LRP8: variants seen among roughly 807,000 people sequenced by gnomAD.
LRP8 encodes LDL receptor related protein 8.
Under a neutral mutation model 111.6 loss-of-function variants are expected in LRP8, and 46 were observed. The ratio of observed to expected loss-of-function variants is 0.41; its 90% CI spans 0.33 to 0.53. The LOEUF (loss-of-function observed/expected upper bound fraction) is 0.53. LRP8 is among the 20% of genes least tolerant of loss of function. The pLI is 0.20. For missense variants in LRP8, 959 were observed against 1,297.4 expected (o/e 0.74, Z 4.01); for synonymous variants, 464 against 511.2 (o/e 0.91, Z 1.24).
At position 53,262,444 on chromosome 1, in the gene LRP8, AC is replaced by A; in HGVS notation, c.1774+1del. On this transcript the variant is annotated splice_donor_variant, in intron 11 of 18. Transcript: ENST00000306052. LOFTEE classifies it high-confidence loss of function. This position sits in a 1 kb window ranked among gnomAD's most constrained non-coding sequence, Gnocchi z 4.8. ...CCCCAACCCAGGAAAGGCAGGGCTC[AC>A]CCAGGGTGATTCCGTTGGGCCATTC... 3 of 1,613,300 alleles carry A rather than the reference AC, an allele frequency of 1.9e-6. No homozygotes were observed. Among genetic ancestry groups the A allele is most frequent in the Non-Finnish European group, 2.5e-6 (3 of 1,179,518 alleles).
At chr1:53,283,470 C>T (rs1420992306) in intron 3 of LRP8, among the ~76,000 whole-genome samples, 23 of 110,318 alleles carry the variant, frequency 2.1e-4, no homozygotes, top group African/African-American at 5.5e-4. Flanking sequence ...ATACCCGGGC[C>T]ACTTACTTAC....
rs755313972 is a variant in LRP8, at chr1:53,276,749, C to T, written c.826G>A (p.Gly276Ser). ...TCGCGGTCGCCGTCGCAGCGCCAGC[C>T]CAGGTGCACGCACTCGCCGCTGCGG... is the stretch of plus-strand genomic sequence containing the variant. ...ACRSGECVHLGWRCDGDRDCK... is the reference protein window; with the variant it reads ...ACRSGECVHLSWRCDGDRDCK... Residue 276 changes from glycine to serine, a missense_variant, in exon 5 of 19, where the codon GGC becomes AGC. By Grantham distance (56) the Gly-to-Ser change is moderately conservative. Coordinates refer to ENST00000306052, the MANE Select transcript of LRP8 (RefSeq NM_004631.5). 1.0e-5 allele frequency: 15 copies of T among 1,503,568 alleles called. No homozygotes were observed. Among genetic ancestry groups the T allele is most frequent in the Non-Finnish European group, 1.3e-5 (15 of 1,127,342 alleles). The allele number at this position is 1,503,568 out of a possible 1,614,324, so 93.1% of individuals were successfully genotyped here. A position where few individuals can be genotyped will look rare whatever the true frequency, so the allele number is the denominator to read the frequency against.
chr1:53,323,189 T>A (rs947714041), intron 2 of LRP8, among the ~76,000 whole-genome samples: 2 of 152,190 alleles, frequency 1.3e-5, no homozygotes, highest in Non-Finnish European at 2.9e-5. Flanking sequence ...ACAAGTTCCA[T>A]AGCTGGTCAC....
intron 13 of LRP8, among the ~76,000 whole-genome samples, chr1:53,259,006 C>T (rs1425253542): frequency 6.6e-6 from 1 of 152,170 alleles, no homozygotes; most frequent in Non-Finnish European, 1.5e-5. Context: ...GAGTAGTATT[C>T]CAAGGTGTAT....
intron 6 of LRP8, among the ~76,000 whole-genome samples, chr1:53,272,962 G>A (rs1369260047): frequency 1.3e-5 from 2 of 152,178 alleles, no homozygotes; most frequent in African/African-American, 4.8e-5. Flanking sequence ...ATGTGTAGGT[G>A]GGATGGCCCT....
intron 2 of LRP8, among the ~76,000 whole-genome samples, chr1:53,299,165 C>A (rs1650328680): frequency 6.6e-6 from 1 of 152,116 alleles, no homozygotes; most frequent in African/African-American, 2.4e-5. Context: ...ATGACCTCTG[C>A]CTGTGTGGAG....
intron 2 of LRP8, among the ~76,000 whole-genome samples, chr1:53,295,178 G>A (rs1317490727): frequency 6.6e-6 from 1 of 152,174 alleles, no homozygotes; most frequent in African/African-American, 2.4e-5. Flanking sequence ...CCAGGGGTCA[G>A]GGAAGGCTTC....
intron 2 of LRP8, among the ~76,000 whole-genome samples, chr1:53,297,605 G>C (rs1274460125): frequency 6.6e-6 from 1 of 152,210 alleles, no homozygotes; most frequent in Non-Finnish European, 1.5e-5. Flanking sequence ...CTGAGGAGGA[G>C]GGAGACACAC....
At chr1:53,309,724 G>A (rs995053124) in intron 2 of LRP8, among the ~76,000 whole-genome samples, 4 of 152,112 alleles carry the variant, frequency 2.6e-5, no homozygotes, top group African/African-American at 9.7e-5. Flanking sequence ...TCAGGCTCCG[G>A]GGATGAGATA....
chr1:53,290,424 T>C (rs1648493673), intron 2 of LRP8, among the ~76,000 whole-genome samples: 1 of 151,914 alleles, frequency 6.6e-6, no homozygotes, highest in Admixed American at 6.6e-5. Flanking sequence ...CAAGAAGTCG[T>C]AATGTATGAA....
intron 2 of LRP8, among the ~76,000 whole-genome samples, chr1:53,318,364 T>C (rs540584475): frequency 6.6e-6 from 1 of 151,690 alleles, no homozygotes; most frequent in East Asian, 1.9e-4. Context: ...CAGAATGAGG[T>C]GGCCCTGTGC....
Position 53,275,816 on chromosome 1 carries a change from C to G in LRP8, c.884-63G>C, listed in dbSNP as rs1432472647. On this transcript the variant is annotated intron_variant, in intron 5 of 18. Coordinates refer to ENST00000306052, the MANE Select transcript of LRP8 (RefSeq NM_004631.5). The surrounding 1 kb of genome is among the most constrained non-coding windows in gnomAD (Gnocchi z 4.4). Reference sequence around the variant, plus strand: ...TGTGGTGCTAGGACAATTTCCCCACCACCCCAATCCCCATGCCATAGCCAC... The same window carrying G: ...TGTGGTGCTAGGACAATTTCCCCACGACCCCAATCCCCATGCCATAGCCAC... The G allele has an allele frequency of 3.2e-6, 5 of 1,569,092 alleles. No homozygotes were observed. Among genetic ancestry groups the G allele is most frequent in the Non-Finnish European group, 4.3e-6 (5 of 1,155,256 alleles).
chr1:53,285,750 C>T (rs1037810036), intron 3 of LRP8, among the ~76,000 whole-genome samples: 2 of 152,190 alleles, frequency 1.3e-5, no homozygotes, highest in African/African-American at 2.4e-5. Context: ...ATGCAGACCC[C>T]ATCCCAGGAC....
At chr1:53,256,832 G>A (rs932757615) in intron 15 of LRP8, among the ~76,000 whole-genome samples, 1 of 152,120 alleles carries the variant, frequency 6.6e-6, no homozygotes, top group African/African-American at 2.4e-5. Context: ...CAAACACAAG[G>A]GACACCTCCT....
intron 3 of LRP8, chr1:53,287,979 A>T (rs1232957306): frequency 2.4e-5 from 1 of 41,692 alleles, no homozygotes; most frequent in Non-Finnish European, 4.4e-5. Context: ...AGAGATAGAG[A>T]CGGGGGTGGG....
intron 2 of LRP8, among the ~76,000 whole-genome samples, chr1:53,309,950 C>T (rs930581752): frequency 2.0e-5 from 3 of 152,150 alleles, no homozygotes; most frequent in Non-Finnish European, 2.9e-5. Context: ...CCACCTACCC[C>T]GACGCTTCAC....
chr1:53,264,133 T>C (rs529909761), intron 10 of LRP8, 36 bp downstream of exon 10: 2 of 1,593,380 alleles, frequency 1.3e-6, no homozygotes, highest in East Asian at 2.2e-5. Flanking sequence ...TGAGCACCTA[T>C]GGTGGGAGAA....
At chr1:53,324,833 C>T (rs1654942505) in intron 2 of LRP8, among the ~76,000 whole-genome samples, 2 of 152,178 alleles carry the variant, frequency 1.3e-5, no homozygotes, top group Non-Finnish European at 1.5e-5. Flanking sequence ...GTGCTTTCCG[C>T]ACCACACTCC....
rs1286968667 is a variant in LRP8, at chr1:53,268,521, T to C, written c.1253-1874A>G. On this transcript the variant is annotated intron_variant, in intron 8 of 18. Transcript: ENST00000306052. ...ATTGTACAGTTTGGGTGTTACAGTT[T>C]TTGGGTTTATGGGCTACATGTCAGT... 5.3e-5 allele frequency: 8 copies of C among 152,346 alleles called. No homozygotes were observed. The East Asian group carries it at 1.5e-3, about 29-fold the overall frequency. 9.4% of individuals were successfully genotyped at this position (152,346 alleles called of 1,614,324 possible).
Sources: gnomAD v4.1 joint callset for allele counts (sites outside exome capture counted in the v4.1 genomes callset) on GRCh38, gnomAD v4.1.1 for gene constraint, Gnocchi (gnomAD v3.1) non-coding constraint, MANE v1.5 for transcripts, NCBI Gene and HGNC (gene_info 2026-07-23, HGNC 2026-07-21) for gene names.